Variants in LMX1B observed in about 807,000 individuals in gnomAD.
LMX1B encodes LIM homeobox transcription factor 1 beta.
LMX1B carries 12 observed loss-of-function variants against 51.4 expected under a neutral mutation model. The ratio of observed to expected loss-of-function variants is 0.23; its 90% CI spans 0.15 to 0.38. The LOEUF (loss-of-function observed/expected upper bound fraction) is 0.38, where lower values mean the gene tolerates loss of function less well. Among genes scored for constraint, LMX1B ranks in the 10% least tolerant of loss-of-function variants. The pLI, the probability that LMX1B is intolerant of heterozygous loss-of-function variation, is 1.00. For missense variants in LMX1B, 445 were observed against 571.1 expected (o/e 0.78, Z 2.25); for synonymous variants, 237 against 235.4 (o/e 1.01, Z -0.06).
intron 2 of LMX1B, among the ~76,000 whole-genome samples, chr9:126,689,321 G>C (rs2030026136): frequency 6.6e-6 from 1 of 152,222 alleles, no homozygotes; most frequent in Non-Finnish European, 1.5e-5. Context: ...CTCCAGGAAG[G>C]GAGGCAGGCG....
At chr9:126,682,674 A>G (rs1836697353) in intron 2 of LMX1B, among the ~76,000 whole-genome samples, 1 of 152,014 alleles carries the variant, frequency 6.6e-6, no homozygotes. Context: ...AGGTGGGGGG[A>G]TCACGAGGTC....
At chr9:126,660,463 T>C (rs1162603145) in intron 2 of LMX1B, among the ~76,000 whole-genome samples, 1 of 152,194 alleles carries the variant, frequency 6.6e-6, no homozygotes, top group Non-Finnish European at 1.5e-5. Context: ...ATGTGGATGC[T>C]GCAGCCAGGT....
At chr9:126,637,187 C>G (rs949204493) in intron 2 of LMX1B, among the ~76,000 whole-genome samples, 3 of 152,252 alleles carry the variant, frequency 2.0e-5, no homozygotes, top group African/African-American at 7.2e-5. Flanking sequence ...GCACTGTGCT[C>G]TGGAACCGGC....
rs1588256606 is a variant in LMX1B at position 126,614,332 on chromosome 9, C to T, written c.-118C>T. ...CCACGATCGCCGGGGGCCGGCGCAA[C>T]CCCTGCCCTGCGGGGGCCGCGCCTC... On this transcript the variant is annotated 5_prime_UTR_variant, in exon 1 of 8. Transcript: ENST00000373474. The T allele has an allele frequency of 1.2e-5, 8 of 672,500 alleles. No homozygotes were observed. The highest frequency in any genetic ancestry group is 6.9e-4 in the Middle Eastern group (1 of 1,446). The allele number at this position is 672,500 out of a possible 1,614,324, so 41.7% of individuals were successfully genotyped here.
intron 2 of LMX1B, among the ~76,000 whole-genome samples, chr9:126,638,045 C>T (rs893385160): frequency 6.6e-6 from 1 of 151,676 alleles, no homozygotes; most frequent in Admixed American, 6.6e-5. Context: ...TGGCAGGCAG[C>T]CTTGTCCAGG....
At chr9:126,650,856 A>G (rs1047609670) in intron 2 of LMX1B, among the ~76,000 whole-genome samples, 2 of 152,250 alleles carry the variant, frequency 1.3e-5, no homozygotes, top group Non-Finnish European at 2.9e-5. Flanking sequence ...GTAATGGTTT[A>G]TGGCCCATAG....
chr9:126,693,643 G>A (rs2030224087), intron 5 of LMX1B, 42 bp downstream of exon 5: 13 of 1,611,442 alleles, frequency 8.1e-6, no homozygotes, highest in Non-Finnish European at 1.1e-5. Context: ...CGGGTAGGGT[G>A]GGACTAGAGG....
At position 126,695,966 on chromosome 9, in the gene LMX1B, G is replaced by A. The variant is rs199580468; in HGVS notation, c.1014G>A (p.Thr338=). 2.0e-5 allele frequency: 33 copies of A among 1,612,302 alleles called. No individual in the cohort carries two copies. The highest frequency in any genetic ancestry group is 2.0e-4 in the Admixed American group (12 of 59,916). ...GSSDPFQQGL[T]PPQMPGDHMN... is the part of the protein sequence containing the mutation. The stretch of plus-strand genomic sequence containing the variant: ...GCGACCCCTTCCAGCAGGGCCTCAC[G>A]CCGCCCCAAATGCCAGGTGACCACA... Residue 338 remains threonine (T), a synonymous_variant, in exon 7 of 8, where the codon ACG becomes ACA. Coordinates refer to ENST00000373474, the MANE Select transcript of LMX1B (RefSeq NM_001174147.2). The surrounding 1 kb of genome is among the most constrained non-coding windows in gnomAD (Gnocchi z 5.2).
chr9:126,659,822 A>G (rs1836193125), intron 2 of LMX1B, among the ~76,000 whole-genome samples: 1 of 151,622 alleles, frequency 6.6e-6, no homozygotes, highest in Non-Finnish European at 1.5e-5. Flanking sequence ...GTGTGTCTAC[A>G]CAGGCCTTGG....
rs756603727 is a variant in LMX1B at position 126,615,426 on chromosome 9, G to T, written c.183G>T (p.Arg61=). ...PHPAVCEGCQ[R]PISDRFLMRV... ...CCGCCGTCTGCGAGGGCTGCCAGCG[G>T]CCCATCTCCGACCGCTTCCTGATGC... Residue 61 remains arginine (R), a synonymous_variant, in exon 2 of 8, where the codon CGG becomes CGT. Coordinates refer to ENST00000373474, the MANE Select transcript of LMX1B (RefSeq NM_001174147.2). The surrounding 1 kb of genome is among the most constrained non-coding windows in gnomAD (Gnocchi z 6.0). 1.2e-6 allele frequency: 2 copies of T among 1,608,404 alleles called. No individual in the cohort carries two copies. The highest frequency in any genetic ancestry group is 3.4e-5 in the Admixed American group (2 of 59,638).
chr9:126,620,982 G>T (rs1032455782), intron 2 of LMX1B, among the ~76,000 whole-genome samples: 1 of 152,156 alleles, frequency 6.6e-6, no homozygotes, highest in South Asian at 2.1e-4. Flanking sequence ...ACCATTCCAG[G>T]AACTCAGAAG....
At chr9:126,687,508 G>A (rs2029948131) in intron 2 of LMX1B, among the ~76,000 whole-genome samples, 1 of 152,180 alleles carries the variant, frequency 6.6e-6, no homozygotes, top group South Asian at 2.1e-4. Flanking sequence ...GGGATCACAG[G>A]CGTGAGCCAC....
intron 2 of LMX1B, among the ~76,000 whole-genome samples, chr9:126,648,738 C>A (rs1835948675): frequency 6.6e-6 from 1 of 152,096 alleles, no homozygotes; most frequent in Non-Finnish European, 1.5e-5. Flanking sequence ...GCTGGGCTGC[C>A]CGTTGGAGGC....
rs567703616 is a variant in LMX1B, at chr9:126,643,092, G to A, written c.326+27523G>A. Among the ~76,000 whole-genome samples, 14 of 152,300 alleles carry A rather than the reference G, an allele frequency of 9.2e-5. No homozygotes were observed. The East Asian group carries it at 2.7e-3, about 29-fold the overall frequency. ...TGCTGGTGTCAGTATCAGCCATCAG[G>A]GGCCTGATAAGATCTTCACAGCTTG... is the stretch of plus-strand genomic sequence containing the variant. On this transcript the variant is annotated intron_variant, in intron 2 of 7. Coordinates refer to ENST00000373474, the MANE Select transcript of LMX1B (RefSeq NM_001174147.2).
At chr9:126,648,941 G>A (rs906219086) in intron 2 of LMX1B, among the ~76,000 whole-genome samples, 1 of 152,094 alleles carries the variant, frequency 6.6e-6, no homozygotes, top group African/African-American at 2.4e-5. Flanking sequence ...AAGCTCTGCT[G>A]GTCCTTTAGA....
At chr9:126,640,951 C>T (rs1321130459) in intron 2 of LMX1B, 1 of 152,278 alleles carries the variant, frequency 6.6e-6, no homozygotes, top group Non-Finnish European at 1.5e-5. Context: ...AGACTACCAG[C>T]AATTGTTCTG....
rs571870066 is a variant in LMX1B at position 126,673,479 on chromosome 9, G to T, written c.327-17357G>T. On this transcript the variant is annotated intron_variant, in intron 2 of 7. Coordinates refer to ENST00000373474, the MANE Select transcript of LMX1B (RefSeq NM_001174147.2). The surrounding 1 kb of genome is among the most constrained non-coding windows in gnomAD (Gnocchi z 4.4). ...AGAGGCTAACCCAGGGCTCCCTCAGGTAGGGCAGAAGGTAGCTTTTGGCAC... is the reference window on the plus strand; with the variant it reads ...AGAGGCTAACCCAGGGCTCCCTCAGTTAGGGCAGAAGGTAGCTTTTGGCAC... Among the ~76,000 whole-genome samples, 4 of 152,182 alleles carry T rather than the reference G, an allele frequency of 2.6e-5. No homozygotes were observed. In the East Asian group the frequency reaches 7.7e-4, roughly 29 times the overall value.
intron 2 of LMX1B, among the ~76,000 whole-genome samples, chr9:126,682,894 G>GAAAAAAAAAA (rs577172677): frequency 1.2e-5 from 1 of 86,134 alleles, no homozygotes; most frequent in Non-Finnish European, 2.2e-5. Flanking sequence ...CACTCTGTCT[G>GAAAAAAAAAA]AAAAAAAAAA....
chr9:126,652,484 G>T (rs944554423), intron 2 of LMX1B, among the ~76,000 whole-genome samples: 1 of 152,254 alleles, frequency 6.6e-6, no homozygotes, highest in South Asian at 2.1e-4. Context: ...GGGTGTGTGT[G>T]TCCACACGGG....
Sources: gnomAD v4.1 joint callset for allele counts (sites outside exome capture counted in the v4.1 genomes callset) on GRCh38, gnomAD v4.1.1 for gene constraint, Gnocchi (gnomAD v3.1) non-coding constraint, MANE v1.5 for transcripts, NCBI Gene and HGNC (gene_info 2026-07-23, HGNC 2026-07-21) for gene names.